Variants in ELP4 observed in about 807,000 individuals in gnomAD.
The protein encoded by ELP4 is elongator acetyltransferase complex subunit 4, also known as elongator complex protein 4.
In ELP4, 51 loss-of-function variants were observed where a neutral mutation model predicts 48.9. The ratio of observed to expected loss-of-function variants is 1.04; its 90% confidence interval spans 0.83 to 1.32. The LOEUF (loss-of-function observed/expected upper bound fraction) is 1.32, where lower values mean the gene tolerates loss of function less well. Among genes scored for constraint, ELP4 ranks in the 40% most tolerant of loss-of-function variants. The pLI is 0.00. For synonymous variants in ELP4, 210 were observed against 189.2 expected, an observed-to-expected ratio of 1.11 and a Z score of -0.90; for missense variants, 519 against 514.6, an observed-to-expected ratio of 1.01 and a Z score of -0.08.
rs79739975 is a variant in ELP4, at chr11:31,787,518, C to A, written c.*3994C>A. The A allele has an allele frequency of 5.8e-3, 1,356 of 232,968 alleles. 22 individuals carry two copies. Among genetic ancestry groups the A allele is most frequent in the African/African-American group, 0.027 (1,232 of 45,432 alleles). The allele number at this position is 232,968 out of a possible 1,614,324, so 14.4% of individuals were successfully genotyped here. On this transcript the variant is annotated 3_prime_UTR_variant, in exon 10 of 10. Coordinates refer to ENST00000640961, the MANE Select transcript of ELP4 (RefSeq NM_019040.5). ...GCTGTGGCATGCACTCCCACATAGC[C>A]CTTCTCTGACAGTTCCCTCAGCACA...
intron 3 of ELP4, among the ~76,000 whole-genome samples, chr11:31,553,061 C>T (rs1245502118): frequency 1.3e-5 from 2 of 152,172 alleles, no homozygotes; most frequent in Non-Finnish European, 2.9e-5. Context: ...CCTACTCCCA[C>T]TCCCCAGGCC....
At chr11:31,700,623 C>T (rs1040715385) in intron 9 of ELP4, among the ~76,000 whole-genome samples, 3 of 152,094 alleles carry the variant, frequency 2.0e-5, no homozygotes, top group East Asian at 3.9e-4. Flanking sequence ...TTGATTCCCT[C>T]CCCAGTAGTC....
chr11:31,687,077 T>C (rs956816856), intron 9 of ELP4, among the ~76,000 whole-genome samples: 1 of 152,168 alleles, frequency 6.6e-6, no homozygotes, highest in Non-Finnish European at 1.5e-5. Flanking sequence ...AGGAGGAGTC[T>C]AAACTTGCTC....
intron 5 of ELP4, among the ~76,000 whole-genome samples, chr11:31,623,384 T>TAAATATAA (rs1565084266): frequency 1.3e-5 from 1 of 78,622 alleles, no homozygotes; most frequent in African/African-American, 3.8e-5. Flanking sequence ...TATATATATA[T>TAAATATAA]ATATATAAAA....
chr11:31,529,866 T>A (rs886167678), intron 2 of ELP4, among the ~76,000 whole-genome samples: 1 of 152,086 alleles, frequency 6.6e-6, no homozygotes, highest in Non-Finnish European at 1.5e-5. Context: ...TGAAGTAAGG[T>A]ACCACCCACA....
chr11:31,631,016 A>G (rs1161805852), intron 6 of ELP4, among the ~76,000 whole-genome samples: 2 of 152,142 alleles, frequency 1.3e-5, no homozygotes, highest in Non-Finnish European at 2.9e-5. Flanking sequence ...AGAATCATAC[A>G]TCTTCTTAGT....
At chr11:31,779,599 T>C (rs1315050938) in intron 9 of ELP4, 2 of 152,298 alleles carry the variant, frequency 1.3e-5, no homozygotes, top group African/African-American at 2.4e-5. Flanking sequence ...TCACTTCTGC[T>C]GCTGCTGCCT....
At chr11:31,769,874 A>C (rs1425323111) in intron 9 of ELP4, among the ~76,000 whole-genome samples, 4 of 152,216 alleles carry the variant, frequency 2.6e-5, no homozygotes, top group Admixed American at 2.0e-4. Context: ...CTTAACATTC[A>C]GATCTAAAAA....
At chr11:31,556,318 T>C (rs1956929035) in intron 3 of ELP4, among the ~76,000 whole-genome samples, 1 of 151,942 alleles carries the variant, frequency 6.6e-6, no homozygotes, top group Non-Finnish European at 1.5e-5. Context: ...AAAGAAATTT[T>C]CTTCATCATC....
At chr11:31,674,805 T>C (rs1382863929) in intron 9 of ELP4, among the ~76,000 whole-genome samples, 1 of 152,218 alleles carries the variant, frequency 6.6e-6, no homozygotes, top group Non-Finnish European at 1.5e-5. Flanking sequence ...TTATTCAAGC[T>C]CAGGATTTCT....
chr11:31,765,482 T>G (rs895874510), intron 9 of ELP4, among the ~76,000 whole-genome samples: 1 of 152,188 alleles, frequency 6.6e-6, no homozygotes, highest in African/African-American at 2.4e-5. Context: ...AATCAATATT[T>G]TCTATCAGAT....
intron 9 of ELP4, among the ~76,000 whole-genome samples, chr11:31,659,444 A>G (rs1043993525): frequency 6.6e-6 from 1 of 152,152 alleles, no homozygotes; most frequent in Non-Finnish European, 1.5e-5. Flanking sequence ...TTTGGCTTCA[A>G]TTTTTTGTCA....
intron 9 of ELP4, among the ~76,000 whole-genome samples, chr11:31,658,203 TA>T (rs1381224822): frequency 6.6e-6 from 1 of 152,006 alleles, no homozygotes; most frequent in Non-Finnish European, 1.5e-5. Context: ...AATGTTTTTT[TA>T]AATCTCAGAA....
In ELP4 at chr11:31,626,247, G is replaced by A. The variant is rs1944741126; in HGVS notation, c.654-863G>A. On this transcript the variant is annotated intron_variant, in intron 5 of 9. Transcript: ENST00000640961. The stretch of plus-strand genomic sequence containing the variant: ...GGATATTTCTTCTGCCTATGTGATT[G>A]CTTACTTAGGATCACAGTAAAGCAA... 2.0e-5 allele frequency among the ~76,000 whole-genome samples: 3 copies of A among 151,752 alleles called. No individual in the cohort carries two copies. The Admixed American group carries it at 2.0e-4, about 10-fold the overall frequency.
chr11:31,551,195 A>G (rs775201181), intron 3 of ELP4, among the ~76,000 whole-genome samples: 3 of 152,168 alleles, frequency 2.0e-5, no homozygotes, highest in Non-Finnish European at 2.9e-5. Context: ...GGTATTGGCT[A>G]TTGTTGTGCT....
chr11:31,519,636 C>A (rs1327162175), intron 1 of ELP4, among the ~76,000 whole-genome samples: 2 of 152,084 alleles, frequency 1.3e-5, no homozygotes, highest in African/African-American at 2.4e-5. Context: ...ACCAGCCTGA[C>A]CAACATGGTA....
chr11:31,774,034 C>T (rs528467039), intron 9 of ELP4, among the ~76,000 whole-genome samples: 31 of 152,224 alleles, frequency 2.0e-4, no homozygotes, highest in African/African-American at 7.5e-4. Context: ...CAAAAATGAG[C>T]CAGACATGGT....
chr11:31,784,510 G>T lies in ELP4; in HGVS notation c.*986G>T, dbSNP rs1177574189. The T allele has an allele frequency of 6.6e-6, 1 of 152,040 alleles. No homozygotes were observed. The highest frequency in any genetic ancestry group is 1.5e-5 in the Non-Finnish European group (1 of 67,924). The allele number at this position is 152,040 out of a possible 1,614,324, so 9.4% of individuals were successfully genotyped here. A position where few individuals can be genotyped will look rare whatever the true frequency, so the allele number is the denominator to read the frequency against. ...TTTTGACAGATAATGGATAAAAAAT[G>T]AAAGTTGAAAAGTAACTTGCATATT... On this transcript the variant is annotated 3_prime_UTR_variant, in exon 10 of 10. Transcript: ENST00000640961.
intron 3 of ELP4, among the ~76,000 whole-genome samples, chr11:31,579,035 AC>A (rs1421870699): frequency 6.6e-6 from 1 of 152,202 alleles, no homozygotes; most frequent in Non-Finnish European, 1.5e-5. Flanking sequence ...TTTACAATCT[AC>A]CCATCTGACT....
Sources: gnomAD v4.1 joint callset for allele counts (sites outside exome capture counted in the v4.1 genomes callset) on GRCh38, gnomAD v4.1.1 for gene constraint, MANE v1.5 for transcripts, NCBI Gene and HGNC (gene_info 2026-07-23, HGNC 2026-07-21) for gene names.